Variants in PTPN14 observed in about 807,000 individuals in gnomAD.
PTPN14 encodes protein tyrosine phosphatase non-receptor type 14.
In PTPN14, 53 loss-of-function variants were observed where a neutral mutation model predicts 126.8. The ratio of observed to expected loss-of-function variants is 0.42; its 90% CI spans 0.34 to 0.53. PTPN14 has a LOEUF of 0.53. Ranked by LOEUF, PTPN14 falls within the 20% of genes least tolerant of loss-of-function variation. The pLI, the probability that PTPN14 is intolerant of heterozygous loss-of-function variation, is 0.08. For missense variants in PTPN14, 1,257 were observed against 1,552.9 expected, an observed-to-expected ratio of 0.81 and a Z score of 3.20; for synonymous variants, 630 against 599.3, an observed-to-expected ratio of 1.05 and a Z score of -0.75.
chr1:214,506,341 A>C (rs1654843163), intron 1 of PTPN14, among the ~76,000 whole-genome samples: 1 of 144,602 alleles, frequency 6.9e-6, no homozygotes, highest in African/African-American at 2.8e-5. Flanking sequence ...CCGTCTCTTA[A>C]ATTTTTTTTT....
At chr1:214,382,503 T>C (rs1437503274) in intron 13 of PTPN14, among the ~76,000 whole-genome samples, 1 of 152,134 alleles carries the variant, frequency 6.6e-6, no homozygotes, top group Non-Finnish European at 1.5e-5. Context: ...TTTTTTATTA[T>C]TATTTTATTT....
At position 214,357,891 on chromosome 1, in the gene PTPN14, G is replaced by C; in HGVS notation, c.*31C>G. On this transcript the variant is annotated 3_prime_UTR_variant, in exon 19 of 19. Transcript: ENST00000366956. ...ACTCTCCTCCAGCGCGATGGAGCTGGGTCCCTCCTCCAGGAGCTGGATTGG... is the reference window on the plus strand; with the variant it reads ...ACTCTCCTCCAGCGCGATGGAGCTGCGTCCCTCCTCCAGGAGCTGGATTGG... 6.2e-7 allele frequency: 1 copy of C among 1,602,902 alleles called. No individual in the cohort carries two copies. Among genetic ancestry groups the C allele is most frequent in the Non-Finnish European group, 8.5e-7 (1 of 1,171,498 alleles).
At chr1:214,518,131 A>G (rs1297237681) in intron 1 of PTPN14, among the ~76,000 whole-genome samples, 2 of 152,182 alleles carry the variant, frequency 1.3e-5, no homozygotes, top group Non-Finnish European at 2.9e-5. Flanking sequence ...AAAAGATTGA[A>G]CTGGGTACTG....
chr1:214,459,472 C>CTTTTT (rs1553268612), intron 2 of PTPN14, among the ~76,000 whole-genome samples: 3 of 108,650 alleles, frequency 2.8e-5, no homozygotes, highest in Non-Finnish European at 3.8e-5. Flanking sequence ...TCTTTTCTTT[C>CTTTTT]TTTTTTTTTT....
chr1:214,388,417 T>A (rs1658673657), intron 11 of PTPN14, among the ~76,000 whole-genome samples: 1 of 152,106 alleles, frequency 6.6e-6, no homozygotes, highest in South Asian at 2.1e-4. Flanking sequence ...TTTTTTTTTT[T>A]ATTTTCTGAG....
At chr1:214,429,798 T>C (rs575239054) in intron 3 of PTPN14, among the ~76,000 whole-genome samples, 13 of 152,222 alleles carry the variant, frequency 8.5e-5, no homozygotes, top group East Asian at 1.9e-4. Flanking sequence ...TATAGGGTAT[T>C]TGACAAAATA....
intron 1 of PTPN14, among the ~76,000 whole-genome samples, chr1:214,490,698 G>A (rs189021026): frequency 6.6e-4 from 100 of 151,174 alleles, no homozygotes; most frequent in Non-Finnish European, 1.1e-3. Context: ...TTAGCCAGGC[G>A]TGGTGGTGCG....
At chr1:214,459,472 C>CT (rs1553268612) in intron 2 of PTPN14, among the ~76,000 whole-genome samples, 54,403 of 108,294 alleles carry the variant, frequency 0.5, 11,509 homozygotes, top group African/African-American at 0.58. Context: ...TCTTTTCTTT[C>CT]TTTTTTTTTT....
intron 3 of PTPN14, among the ~76,000 whole-genome samples, chr1:214,449,005 A>ATTTTTTTTTTT (rs1229828407): frequency 3.1e-5 from 3 of 97,692 alleles, no homozygotes; most frequent in African/African-American, 6.1e-5. Flanking sequence ...GTAAGACTTA[A>ATTTTTTTTTTT]TTTTTCTTTT....
chr1:214,404,375 G>A (rs1391733676), intron 5 of PTPN14, among the ~76,000 whole-genome samples: 1 of 152,132 alleles, frequency 6.6e-6, no homozygotes, highest in Non-Finnish European at 1.5e-5. Context: ...AATGACTCAA[G>A]TCCGTGATAG....
At chr1:214,536,459 A>C (rs1655707991) in intron 1 of PTPN14, among the ~76,000 whole-genome samples, 1 of 152,136 alleles carries the variant, frequency 6.6e-6, no homozygotes, top group African/African-American at 2.4e-5. Context: ...ATAGTATATC[A>C]ATTGTAAAGA....
At chr1:214,461,969 G>C (rs1445787486) in intron 2 of PTPN14, among the ~76,000 whole-genome samples, 2 of 152,254 alleles carry the variant, frequency 1.3e-5, no homozygotes, top group African/African-American at 4.8e-5. Context: ...TTTGGATAGA[G>C]GATGCATTCT....
chr1:214,490,528 TCA>T (rs960422481), intron 1 of PTPN14, among the ~76,000 whole-genome samples: 8 of 152,076 alleles, frequency 5.3e-5, no homozygotes, highest in South Asian at 4.1e-4. Flanking sequence ...ATGTTAGAAT[TCA>T]CAGTTATATT....
chr1:214,436,291 G>A (rs1659913593), intron 3 of PTPN14, among the ~76,000 whole-genome samples: 1 of 152,024 alleles, frequency 6.6e-6, no homozygotes, highest in Non-Finnish European at 1.5e-5. Context: ...TACTTATCAG[G>A]TGCTATGCTT....
intron 3 of PTPN14, among the ~76,000 whole-genome samples, chr1:214,435,975 A>G (rs1659904825): frequency 6.6e-6 from 1 of 152,226 alleles, no homozygotes; most frequent in Non-Finnish European, 1.5e-5. Flanking sequence ...TCACAATAGC[A>G]AAGACATGGA....
intron 1 of PTPN14, among the ~76,000 whole-genome samples, chr1:214,546,622 C>T (rs1283707724): frequency 6.6e-5 from 10 of 152,104 alleles, no homozygotes; most frequent in Admixed American, 2.0e-4. Flanking sequence ...TACTTAGAGA[C>T]GATGCTACAT....
intron 2 of PTPN14, 78 bp downstream of exon 2, chr1:214,464,552 G>A: frequency 2.6e-6 from 4 of 1,530,296 alleles, no homozygotes; most frequent in Non-Finnish European, 3.6e-6. Context: ...ACAGATGGCT[G>A]GTCCCTTCGG....
intron 18 of PTPN14, among the ~76,000 whole-genome samples, chr1:214,359,534 T>C (rs1356450600): frequency 6.6e-6 from 1 of 151,868 alleles, no homozygotes; most frequent in African/African-American, 2.4e-5. Flanking sequence ...AGAACACCTA[T>C]TTTGAGACAG....
chr1:214,373,659 C>T (rs990232505), intron 15 of PTPN14, among the ~76,000 whole-genome samples: 1 of 147,786 alleles, frequency 6.8e-6, no homozygotes, highest in Admixed American at 6.8e-5. Flanking sequence ...TGTTGTAATC[C>T]AGTTTGAAAA....
Sources: allele counts gnomAD v4.1 joint callset (sites outside exome capture counted in the v4.1 genomes callset), GRCh38; gene constraint gnomAD v4.1.1; transcripts MANE v1.5; gene names NCBI Gene and HGNC (gene_info 2026-07-23, HGNC 2026-07-21).